CACNA2D1: variants seen among roughly 807,000 people sequenced by gnomAD.
The protein encoded by CACNA2D1 is voltage-dependent calcium channel subunit alpha-2/delta-1.
In CACNA2D1, 53 loss-of-function variants were observed where a neutral mutation model predicts 171.5. The ratio of observed to expected loss-of-function variants is 0.31; its 90% confidence interval spans 0.25 to 0.39. The LOEUF (loss-of-function observed/expected upper bound fraction) is 0.39. Ranked by LOEUF, CACNA2D1 falls within the 10% of genes least tolerant of loss-of-function variation. CACNA2D1 has a pLI of 1.00. For missense variants in CACNA2D1, 903 were observed against 1,299.8 expected (o/e 0.69, Z 4.69); for synonymous variants, 442 against 443.1 (o/e 1.00, Z 0.03).
chr7:82,221,621 T>C (rs1448563515), intron 3 of CACNA2D1, among the ~76,000 whole-genome samples: 1 of 152,014 alleles, frequency 6.6e-6, no homozygotes, highest in Non-Finnish European at 1.5e-5. Flanking sequence ...GGCAGTTGCC[T>C]ATAATCCCAG....
intron 1 of CACNA2D1, among the ~76,000 whole-genome samples, chr7:82,418,385 T>A (rs1563525633): frequency 6.6e-6 from 1 of 152,150 alleles, no homozygotes; most frequent in Non-Finnish European, 1.5e-5. Context: ...AGAATGCATC[T>A]GAAATATTTA....
chr7:82,019,346 T>A (rs569383134), intron 12 of CACNA2D1, among the ~76,000 whole-genome samples: 1 of 152,168 alleles, frequency 6.6e-6, no homozygotes, highest in Admixed American at 6.6e-5. Flanking sequence ...ACAAAAAAAA[T>A]TAAATTCCTA....
At chr7:82,059,345 G>A (rs749470466) in intron 10 of CACNA2D1, among the ~76,000 whole-genome samples, 3 of 152,102 alleles carry the variant, frequency 2.0e-5, no homozygotes, top group Non-Finnish European at 4.4e-5. Context: ...GCTATGAGTA[G>A]GAGGGTCTAT....
At chr7:82,150,076 C>T (rs771486097) in intron 4 of CACNA2D1, among the ~76,000 whole-genome samples, 34 of 151,878 alleles carry the variant, frequency 2.2e-4, no homozygotes, top group Non-Finnish European at 4.3e-4. Flanking sequence ...TTTTAAAATG[C>T]TTACTGAGCA....
At chr7:82,270,151 C>T (rs1808428683) in intron 3 of CACNA2D1, among the ~76,000 whole-genome samples, 1 of 152,154 alleles carries the variant, frequency 6.6e-6, no homozygotes, top group African/African-American at 2.4e-5. Flanking sequence ...CTCTCCTCAG[C>T]TATCTCTGAC....
chr7:82,335,324 A>C, intron 2 of CACNA2D1, 73 bp from the exon 3 acceptor site: 1 of 866,438 alleles, frequency 1.2e-6, no homozygotes, highest in Non-Finnish European at 2.0e-6. Flanking sequence ...ATTGGAATGT[A>C]TTTAAAACTA....
In CACNA2D1 at chr7:81,981,046, T is replaced by G. The variant is rs532732011; in HGVS notation, c.1955+1521A>C. 6.1e-4 allele frequency among the ~76,000 whole-genome samples: 93 copies of G among 152,298 alleles called. 1 individual carries two copies. Among genetic ancestry groups the G allele is most frequent in the Non-Finnish European group, 1.1e-3 (73 of 68,026 alleles). On this transcript the variant is annotated intron_variant, in intron 24 of 38. Transcript: ENST00000356860. ...GAAATAGATATAATATAGGATTAAA[T>G]AATATAATGCAATATCAATGAAACA...
chr7:82,224,149 T>C (rs1369206924), intron 3 of CACNA2D1, among the ~76,000 whole-genome samples: 1 of 152,208 alleles, frequency 6.6e-6, no homozygotes, highest in Non-Finnish European at 1.5e-5. Context: ...CAGTGCCTGA[T>C]ACACTGTGAG....
intron 3 of CACNA2D1, among the ~76,000 whole-genome samples, chr7:82,238,659 G>T (rs1439055226): frequency 1.3e-5 from 2 of 152,072 alleles, no homozygotes; most frequent in Admixed American, 6.6e-5. Context: ...AGTAGTAACT[G>T]ATCTATTTGC....
chr7:82,049,790 C>A (rs148525901), intron 10 of CACNA2D1, among the ~76,000 whole-genome samples: 1 of 152,308 alleles, frequency 6.6e-6, no homozygotes, highest in East Asian at 1.9e-4. Context: ...TTCTTGTTGA[C>A]ATAAATGAGC....
chr7:82,374,446 G>C (rs1227430665), intron 1 of CACNA2D1, among the ~76,000 whole-genome samples: 1 of 151,998 alleles, frequency 6.6e-6, no homozygotes, highest in Non-Finnish European at 1.5e-5. Context: ...TGTACAAATG[G>C]ATCAAGACAT....
At chr7:82,421,083 T>G (rs1228204143) in intron 1 of CACNA2D1, among the ~76,000 whole-genome samples, 1 of 152,210 alleles carries the variant, frequency 6.6e-6, no homozygotes, top group Non-Finnish European at 1.5e-5. Context: ...CTGACCATGC[T>G]CAGCTTATCA....
rs572513402 is a variant in CACNA2D1 at position 82,338,626 on chromosome 7, A to G, written c.178-3375T>C. On this transcript the variant is annotated intron_variant, in intron 2 of 38. Transcript: ENST00000356860. Reference sequence around the variant, plus strand: ...ATTAACCATTGTATTAGTGAGAACAATGGGATTCAGGCTTCAGAATATCTG... The same window carrying G: ...ATTAACCATTGTATTAGTGAGAACAGTGGGATTCAGGCTTCAGAATATCTG... Among the ~76,000 whole-genome samples the G allele has an allele frequency of 6.6e-5, 10 of 152,300 alleles. No homozygotes were observed. The East Asian group carries it at 1.9e-3, about 29-fold the overall frequency.
intron 18 of CACNA2D1, among the ~76,000 whole-genome samples, chr7:81,997,832 A>T (rs1798202935): frequency 6.6e-6 from 1 of 152,040 alleles, no homozygotes; most frequent in African/African-American, 2.4e-5. Context: ...AATTCAAATG[A>T]CATCAGAATG....
At chr7:82,060,379 A>T in intron 10 of CACNA2D1, 49 bp downstream of exon 10, 1 of 1,226,094 alleles carries the variant, frequency 8.2e-7, no homozygotes, top group Non-Finnish European at 1.2e-6. Flanking sequence ...TCAGGAGAAG[A>T]TAGAAATTGC....
chr7:82,059,824 T>C (rs904840686), intron 10 of CACNA2D1, among the ~76,000 whole-genome samples: 1 of 149,550 alleles, frequency 6.7e-6, no homozygotes, highest in African/African-American at 2.5e-5. Context: ...CCATAAAAAA[T>C]GATGAGTTCA....
intron 7 of CACNA2D1, among the ~76,000 whole-genome samples, chr7:82,075,704 A>G (rs1310008732): frequency 1.3e-5 from 2 of 152,012 alleles, no homozygotes; most frequent in Admixed American, 6.6e-5. Flanking sequence ...GATTTCTTTA[A>G]AAGTTTATAT....
In CACNA2D1 at chr7:82,349,554, T is replaced by C. The variant is rs1303553050; in HGVS notation, c.177+14A>G. 3.7e-6 allele frequency: 6 copies of C among 1,602,906 alleles called. No homozygotes were observed. In the Admixed American group the frequency reaches 5.0e-5, roughly 13 times the overall value. The stretch of plus-strand genomic sequence containing the variant: ...TGAAAAGATTAAGAAATCTCTTTGG[T>C]GGATTTTACTCACATCAACAAGCTG... On this transcript the variant is annotated intron_variant, in intron 2 of 38. Transcript: ENST00000356860.
Position 81,950,373 on chromosome 7 carries a change from A to G in CACNA2D1, c.*19T>C. 1.2e-6 allele frequency: 2 copies of G among 1,613,066 alleles called. No homozygotes were observed. The highest frequency in any genetic ancestry group is 1.7e-6 in the Non-Finnish European group (2 of 1,179,356). On this transcript the variant is annotated 3_prime_UTR_variant, in exon 39 of 39. Coordinates refer to ENST00000356860, the MANE Select transcript of CACNA2D1 (RefSeq NM_000722.4). ...GGCAGGGTCTGGAGTTTAACTATGC[A>G]GATTTGGTTTTTAGAAGGTCATAAC...
Sources: allele counts gnomAD v4.1 joint callset (sites outside exome capture counted in the v4.1 genomes callset), GRCh38; gene constraint gnomAD v4.1.1; transcripts MANE v1.5; gene names NCBI Gene and HGNC (gene_info 2026-07-23, HGNC 2026-07-21).